Variants in STOX1 observed in about 807,000 individuals in gnomAD.
STOX1 encodes storkhead box 1.
STOX1 carries 57 observed loss-of-function variants against 74.8 expected under a neutral mutation model. That is an observed-to-expected ratio of 0.76 (90% CI 0.62 to 0.95). The LOEUF is 0.95. STOX1 is among the 40% of genes least tolerant of loss of function. STOX1 has a pLI of 0.00. For synonymous variants in STOX1, 375 were observed against 401.3 expected, an observed-to-expected ratio of 0.93 and a Z score of 0.78; for missense variants, 1,010 against 1,117.0, an observed-to-expected ratio of 0.90 and a Z score of 1.37.
intron 1 of STOX1, among the ~76,000 whole-genome samples, chr10:68,833,340 C>G (rs999923460): frequency 6.6e-6 from 1 of 152,146 alleles, no homozygotes; most frequent in African/African-American, 2.4e-5. Context: ...TCATCCGCCT[C>G]AGCCTCCCAA....
At chr10:68,848,748 T>C (rs1839911797) in intron 1 of STOX1, among the ~76,000 whole-genome samples, 1 of 152,098 alleles carries the variant, frequency 6.6e-6, no homozygotes, top group Admixed American at 6.6e-5. Context: ...CACTGTAACC[T>C]CAAGTTCCTA....
At chr10:68,877,589 A>T (rs909788811) in intron 1 of STOX1, among the ~76,000 whole-genome samples, 6 of 152,228 alleles carry the variant, frequency 3.9e-5, no homozygotes, top group African/African-American at 1.4e-4. Flanking sequence ...CTAAGGATTG[A>T]ACTAGAAAAT....
chr10:68,854,017 C>T (rs1840058461), intron 1 of STOX1, among the ~76,000 whole-genome samples: 1 of 149,100 alleles, frequency 6.7e-6, no homozygotes, highest in African/African-American at 2.5e-5. Flanking sequence ...TCTTTTTAGA[C>T]AGAGTTTCAC....
chr10:68,881,881 T>C, intron 1 of STOX1, 77 bp from the exon 2 acceptor site: 1 of 1,552,172 alleles, frequency 6.4e-7, no homozygotes, highest in Non-Finnish European at 8.9e-7. Context: ...TTTATTTTTG[T>C]TTCACTAATT....
rs142243647 is a variant in STOX1, at chr10:68,870,518, T to C, written c.311-11440T>C. Among the ~76,000 whole-genome samples, 676 of 152,328 alleles carry C rather than the reference T, an allele frequency of 4.4e-3. 3 individuals are homozygous for C. Among genetic ancestry groups the C allele is most frequent in the Middle Eastern group, 0.02 (6 of 294 alleles). ...TCCTAATACCTGGAACCTGTGAATATGTTACCTTACATGGCTAAAGAGACT... is the reference window on the plus strand; with the variant it reads ...TCCTAATACCTGGAACCTGTGAATACGTTACCTTACATGGCTAAAGAGACT... On this transcript the variant is annotated intron_variant, in intron 1 of 3. Coordinates refer to ENST00000298596, the MANE Select transcript of STOX1 (RefSeq NM_152709.5).
At chr10:68,886,649 C>T (rs751031973) in intron 3 of STOX1, 31 bp downstream of exon 3, 3 of 1,603,342 alleles carry the variant, frequency 1.9e-6, no homozygotes, top group Non-Finnish European at 1.7e-6. Flanking sequence ...CTGATTTAGG[C>T]CGGGCGCAGT....
intron 3 of STOX1, among the ~76,000 whole-genome samples, chr10:68,887,627 G>A (rs925158448): frequency 2.5e-5 from 3 of 117,846 alleles, no homozygotes; most frequent in South Asian, 2.6e-4. Flanking sequence ...GCAGAGTTTT[G>A]CTGTCGTCCA....
intron 1 of STOX1, among the ~76,000 whole-genome samples, chr10:68,861,576 G>T (rs532111345): frequency 1.3e-5 from 2 of 151,998 alleles, no homozygotes; most frequent in African/African-American, 2.4e-5. Flanking sequence ...GTTTTTGCAC[G>T]GCAATAAAAA....
intron 3 of STOX1, among the ~76,000 whole-genome samples, chr10:68,887,831 G>A (rs1841000914): frequency 6.6e-6 from 1 of 152,082 alleles, no homozygotes; most frequent in South Asian, 2.1e-4. Flanking sequence ...CTGACCTCAA[G>A]TGATCCGCCC....
intron 1 of STOX1, among the ~76,000 whole-genome samples, chr10:68,872,759 G>A (rs1320668305): frequency 6.6e-6 from 1 of 152,114 alleles, no homozygotes; most frequent in Non-Finnish European, 1.5e-5. Flanking sequence ...TCTTTCCTCT[G>A]TCTTGCAGAT....
At chr10:68,844,038 G>A (rs558483088) in intron 1 of STOX1, among the ~76,000 whole-genome samples, 2 of 151,774 alleles carry the variant, frequency 1.3e-5, no homozygotes, top group South Asian at 4.1e-4. Flanking sequence ...AAATTAGCCA[G>A]GCGTGGTGGT....
intron 1 of STOX1, among the ~76,000 whole-genome samples, chr10:68,832,674 A>AAAAAG (rs1554826592): frequency 6.7e-6 from 1 of 149,180 alleles, no homozygotes; most frequent in East Asian, 2.0e-4. Flanking sequence ...AAAAAAAAAA[A>AAAAAG]AAAGAAAGCA....
intron 1 of STOX1, among the ~76,000 whole-genome samples, chr10:68,852,403 C>T (rs372796708): frequency 0.014 from 2,133 of 150,978 alleles, 21 homozygotes; most frequent in Non-Finnish European, 0.02. Flanking sequence ...GGACTACAGG[C>T]GCCCGCCACC....
chr10:68,828,426 A>C (rs1386059768), intron 1 of STOX1, among the ~76,000 whole-genome samples: 1 of 152,082 alleles, frequency 6.6e-6, no homozygotes, highest in Non-Finnish European at 1.5e-5. Flanking sequence ...CCGGGGGGCC[A>C]AGACGCCCCG....
intron 1 of STOX1, among the ~76,000 whole-genome samples, chr10:68,850,121 T>G (rs901499433): frequency 2.6e-5 from 4 of 152,116 alleles, no homozygotes; most frequent in Admixed American, 1.3e-4. Flanking sequence ...CTCAAGTGAT[T>G]CTCTTGCCTC....
At chr10:68,868,807 G>A (rs1333413048) in intron 1 of STOX1, among the ~76,000 whole-genome samples, 1 of 152,178 alleles carries the variant, frequency 6.6e-6, no homozygotes, top group Non-Finnish European at 1.5e-5. Context: ...ATCTTAATTT[G>A]GGAAGAAAAG....
At chr10:68,854,866 G>T (rs1840081726) in intron 1 of STOX1, among the ~76,000 whole-genome samples, 1 of 152,050 alleles carries the variant, frequency 6.6e-6, no homozygotes, top group Non-Finnish European at 1.5e-5. Context: ...CAGTAGATAA[G>T]GCTCCTAATG....
intron 2 of STOX1, among the ~76,000 whole-genome samples, chr10:68,882,471 T>C (rs1471470143): frequency 1.3e-5 from 2 of 151,918 alleles, no homozygotes; most frequent in Non-Finnish European, 2.9e-5. Flanking sequence ...TATGATAATA[T>C]AATAAATTTT....
intron 1 of STOX1, among the ~76,000 whole-genome samples, chr10:68,841,157 G>C (rs1839684480): frequency 6.6e-6 from 1 of 151,812 alleles, no homozygotes; most frequent in Admixed American, 6.6e-5. Context: ...ATGTTGGTCA[G>C]GCTGGTCTTG....
Sources: gnomAD v4.1 joint callset for allele counts (sites outside exome capture counted in the v4.1 genomes callset) on GRCh38, gnomAD v4.1.1 for gene constraint, MANE v1.5 for transcripts, NCBI Gene and HGNC (gene_info 2026-07-23, HGNC 2026-07-21) for gene names.